GSTM4: variants seen among roughly 807,000 people sequenced by gnomAD.
GSTM4 encodes the protein glutathione S-transferase mu 4, also known as GST class-mu 4.
GSTM4 carries 27 observed loss-of-function variants against 30.1 expected under a neutral mutation model. The observed-to-expected ratio is 0.90, with a 90% CI of 0.66 to 1.24. GSTM4 has a LOEUF of 1.24. Among genes scored for constraint, GSTM4 ranks in the 50% most tolerant of loss-of-function variants. The probability of loss-of-function intolerance (pLI) is 0.00; values close to 1 mark genes in which losing one functional copy is unlikely to be tolerated. For synonymous variants in GSTM4, 94 were observed against 96.2 expected, an observed-to-expected ratio of 0.98 and a Z score of 0.13; for missense variants, 238 against 272.1, an observed-to-expected ratio of 0.87 and a Z score of 0.88.
downstream of GSTM4, among the ~76,000 whole-genome samples, chr1:109,662,908 A>G (rs1225665698): frequency 2.0e-5 from 3 of 152,256 alleles, no homozygotes; most frequent in Non-Finnish European, 2.9e-5. Flanking sequence ...GCCAGGTATA[A>G]TGATGCCAAA....
chr1:109,661,284 G>T lies in GSTM4; in HGVS notation c.*30G>T, dbSNP rs1652304742. On this transcript the variant is annotated 3_prime_UTR_variant, in exon 8 of 8. Transcript: ENST00000369836. ...TTGAAGGCCAGGAGGTGGGAGTGAG[G>T]AGCCCATACTCAGCCTGCTGCCCAG... 1 of 1,612,832 alleles carries T rather than the reference G, an allele frequency of 6.2e-7. No homozygotes were observed. Among genetic ancestry groups the T allele is most frequent in the South Asian group, 1.1e-5 (1 of 91,080 alleles).
chr1:109,656,290 G>GTA lies in GSTM4; in HGVS notation c.-99_-98insAT, dbSNP rs1651974523. 1 of 1,198,696 alleles carries GTA rather than the reference G, an allele frequency of 8.3e-7. No homozygotes were observed. The highest frequency in any genetic ancestry group is 1.7e-5 in the Admixed American group (1 of 58,082). 74.3% of individuals were successfully genotyped at this position (1,198,696 alleles called of 1,614,324 possible). On this transcript the variant is annotated 5_prime_UTR_variant, in exon 1 of 8. Coordinates refer to ENST00000369836, the MANE Select transcript of GSTM4 (RefSeq NM_000850.5). Reference sequence around the variant, plus strand: ...GGGCGCAGCGGGGCCGAGGGGGCGGGTCTGGCGCTAGGTCCAGCCCCTGCG... The same window carrying GTA: ...GGGCGCAGCGGGGCCGAGGGGGCGGGTATCTGGCGCTAGGTCCAGCCCCTGCG...
At chr1:109,665,243 G>C, downstream of GSTM4, 1 of 614,472 alleles carries the variant, frequency 1.6e-6, no homozygotes, top group East Asian at 2.8e-5. Flanking sequence ...TCTCTGACTG[G>C]GACATCCATC....
rs192986620 is a variant in GSTM4, at chr1:109,656,962, G to A, written c.112+175G>A. The A allele has an allele frequency of 5.1e-4, 413 of 808,360 alleles. 9 individuals carry two copies. The Admixed American group carries it at 7.9e-3, about 16-fold the overall frequency. The allele number at this position is 808,360 out of a possible 1,614,324, so 50.1% of individuals were successfully genotyped here. A position where few individuals can be genotyped will look rare whatever the true frequency, so the allele number is the denominator to read the frequency against. ...GCCTTGCAAGGCAGAATGCTGGGGC[G>A]GGATGCTGGGCCCCCTGTTTAATTG... is the stretch of plus-strand genomic sequence containing the variant. On this transcript the variant is annotated intron_variant, in intron 2 of 7. Transcript: ENST00000369836.
downstream of GSTM4, among the ~76,000 whole-genome samples, chr1:109,664,341 C>CTTTTTTTTTTTT (rs77855995): frequency 0.01 from 365 of 35,744 alleles, 114 homozygotes; most frequent in East Asian, 0.032. Context: ...GAGAGAATAG[C>CTTTTTTTTTTTT]TTTTTTTTTT....
In GSTM4 at chr1:109,656,107, T is replaced by C. The variant is rs551976916; in HGVS notation, c.-283T>C. The C allele has an allele frequency of 1.5e-4, 64 of 435,424 alleles. No individual in the cohort carries two copies. The highest frequency in any genetic ancestry group is 1.2e-3 in the African/African-American group (58 of 49,396). 27.0% of individuals were successfully genotyped at this position (435,424 alleles called of 1,614,324 possible). ...GCGAGGCCGAGCCCCTCCTAGTGCT[T>C]CCGGACCTTGCTCCCTGAACACTCG... On this transcript the variant is annotated 5_prime_UTR_variant, in exon 1 of 8. Coordinates refer to ENST00000369836, the MANE Select transcript of GSTM4 (RefSeq NM_000850.5).
chr1:109,661,542 T>A lies in GSTM4; in HGVS notation c.*288T>A. 1 of 1,311,404 alleles carries A rather than the reference T, an allele frequency of 7.6e-7. No individual in the cohort carries two copies. Among genetic ancestry groups the A allele is most frequent in the Non-Finnish European group, 9.8e-7 (1 of 1,020,924 alleles). The allele number at this position is 1,311,404 out of a possible 1,614,324, so 81.2% of individuals were successfully genotyped here. ...GCCTGACCTTCCTTCCTGTTAGTGG[T>A]TGTATCTGCTTTGAAGGGCCTACCT... On this transcript the variant is annotated 3_prime_UTR_variant, in exon 8 of 8. Coordinates refer to ENST00000369836, the MANE Select transcript of GSTM4 (RefSeq NM_000850.5).
At chr1:109,658,621 C>A in intron 5 of GSTM4, 193 bp from the exon 6 acceptor site, 1 of 609,164 alleles carries the variant, frequency 1.6e-6, no homozygotes, top group Non-Finnish European at 3.0e-6. Context: ...CTCTGCCTTC[C>A]CATCACCACA....
At chr1:109,657,915 C>A (rs1400293665) in intron 5 of GSTM4, 43 bp downstream of exon 5, 5 of 1,528,454 alleles carry the variant, frequency 3.3e-6, no homozygotes, top group Non-Finnish European at 3.6e-6. Context: ...GGCTTGTATT[C>A]CCATCTACTC....
At chr1:109,659,336 T>C in intron 7 of GSTM4, 1 of 1,523,520 alleles carries the variant, frequency 6.6e-7, no homozygotes, top group Non-Finnish European at 8.8e-7. Context: ...TAAGAAAACT[T>C]TGAATGAGAG....
In GSTM4 at chr1:109,659,249, A is replaced by T. The variant is rs543515688; in HGVS notation, c.567+139A>T. The T allele has an allele frequency of 4.5e-5, 73 of 1,610,976 alleles. No individual in the cohort carries two copies. In the South Asian group the frequency reaches 7.5e-4, roughly 16 times the overall value. ...CTTCATGCCAGGAACCTTGCCCAGC[A>T]CATTATACCTATCGTGTGGAATTTG... On this transcript the variant is annotated intron_variant, in intron 7 of 7. Transcript: ENST00000369836.
intron 2 of GSTM4, 71 bp from the exon 3 acceptor site, chr1:109,657,144 T>G (rs1382815988): frequency 4.5e-6 from 7 of 1,553,712 alleles, no homozygotes; most frequent in African/African-American, 1.4e-5. Flanking sequence ...CACTGGTTCC[T>G]TGGGAGGGTC....
chr1:109,663,014 A>G (rs1156384351), downstream of GSTM4, among the ~76,000 whole-genome samples: 2 of 152,254 alleles, frequency 1.3e-5, no homozygotes, highest in Non-Finnish European at 2.9e-5. Context: ...ACATAATTCC[A>G]TCATTCATAT....
downstream of GSTM4, among the ~76,000 whole-genome samples, chr1:109,666,537 G>C (rs757457948): frequency 6.6e-6 from 1 of 152,144 alleles, no homozygotes; most frequent in African/African-American, 2.4e-5. Flanking sequence ...CCATTTCCCT[G>C]CCCAATTCTC....
intron 2 of GSTM4, chr1:109,657,002 C>A: frequency 1.3e-6 from 1 of 780,780 alleles, no homozygotes; most frequent in Non-Finnish European, 2.2e-6. Flanking sequence ...GGGTGTCCCT[C>A]AGAGCTTCCC....
intron 7 of GSTM4, chr1:109,659,541 C>A: frequency 1.9e-6 from 1 of 535,836 alleles, no homozygotes; most frequent in South Asian, 2.2e-5. Flanking sequence ...ATGGATGCAG[C>A]TGGCAATAGT....
downstream of GSTM4, among the ~76,000 whole-genome samples, chr1:109,663,042 G>A (rs373152344): frequency 6.6e-6 from 1 of 152,298 alleles, no homozygotes; most frequent in Non-Finnish European, 1.5e-5. Flanking sequence ...TATTTACTCT[G>A]CTATAATGAA....
At chr1:109,657,073 G>C (rs1052879360) in intron 2 of GSTM4, 142 bp from the exon 3 acceptor site, 2 of 870,228 alleles carry the variant, frequency 2.3e-6, no homozygotes, top group Non-Finnish European at 1.9e-6. Flanking sequence ...CTTTGTCCCT[G>C]AACCCTGGGA....
rs768444302 is a variant in GSTM4, at chr1:109,657,676, G to C, written c.259+5G>C. On this transcript the variant is annotated splice_donor_5th_base_variant and intron_variant, in intron 4 of 7. Transcript: ENST00000369836. ...TTGCCCGCAAGCACAACCTGTGTGAGTGTGGTTGGCTGCAGTGTGTGGGGG... is the reference window on the plus strand; with the variant it reads ...TTGCCCGCAAGCACAACCTGTGTGACTGTGGTTGGCTGCAGTGTGTGGGGG... 1.1e-5 allele frequency: 17 copies of C among 1,614,150 alleles called. No homozygotes were observed. The highest frequency in any genetic ancestry group is 4.0e-5 in the African/African-American group (3 of 74,952).
Sources: allele counts gnomAD v4.1 joint callset (sites outside exome capture counted in the v4.1 genomes callset), GRCh38; gene constraint gnomAD v4.1.1; transcripts MANE v1.5; gene names NCBI Gene and HGNC (gene_info 2026-07-23, HGNC 2026-07-21).